Variants in KLHL29 observed in about 807,000 individuals in gnomAD.
KLHL29 encodes kelch-like protein 29.
A neutral mutation model predicts 80.4 loss-of-function variants in KLHL29; 21 were observed. The ratio of observed to expected loss-of-function variants is 0.26; its 90% confidence interval spans 0.19 to 0.38. The LOEUF is 0.38. KLHL29 is among the 10% of genes least tolerant of loss of function. KLHL29 has a pLI of 1.00. For missense variants in KLHL29, 867 were observed against 1,223.9 expected, an observed-to-expected ratio of 0.71 and a Z score of 4.35; for synonymous variants, 511 against 526.8, an observed-to-expected ratio of 0.97 and a Z score of 0.41.
intron 2 of KLHL29, among the ~76,000 whole-genome samples, chr2:23,517,261 T>G (rs192323236): frequency 6.6e-6 from 1 of 152,114 alleles, no homozygotes; most frequent in African/African-American, 2.4e-5. Flanking sequence ...ACAACCTAAC[T>G]AGGCTGGGCG....
intron 1 of KLHL29, among the ~76,000 whole-genome samples, chr2:23,421,245 G>C (rs1018873602): frequency 1.3e-5 from 2 of 152,218 alleles, no homozygotes; most frequent in East Asian, 1.9e-4. Context: ...CTGTCTTGTG[G>C]TGTCTCCCGG....
chr2:23,614,801 G>C (rs1668959409), intron 3 of KLHL29, among the ~76,000 whole-genome samples: 1 of 152,186 alleles, frequency 6.6e-6, no homozygotes, highest in South Asian at 2.1e-4. Context: ...CAGGCTCCAG[G>C]CTGAGGCAGG....
At chr2:23,668,498 G>C (rs1189056045) in intron 5 of KLHL29, 1 of 152,328 alleles carries the variant, frequency 6.6e-6, no homozygotes, top group African/African-American at 2.4e-5. Flanking sequence ...CAATGTTGCA[G>C]ACCTTGCTAA....
At chr2:23,539,146 G>A (rs768706646) in intron 2 of KLHL29, among the ~76,000 whole-genome samples, 11 of 152,082 alleles carry the variant, frequency 7.2e-5, no homozygotes, top group Admixed American at 1.3e-4. Flanking sequence ...CAGCCACCCA[G>A]GGCTGATGAG....
rs1184720220 is a variant in KLHL29 at position 23,671,004 on chromosome 2, C to G, written c.941-13395C>G. ...TCCCTCCCTCCCTCCCTCCCTCCCC[C>G]CCCCCACCTCCTCCCTTCCCTCCTA... is the stretch of plus-strand genomic sequence containing the variant. On this transcript the variant is annotated intron_variant, in intron 5 of 13. Transcript: ENST00000486442. 6.3e-5 allele frequency among the ~76,000 whole-genome samples: 6 copies of G among 95,344 alleles called. 1 individual carries two copies. The highest frequency in any genetic ancestry group is 6.7e-5 in the Non-Finnish European group (3 of 45,004). 62.5% of individuals were successfully genotyped at this position (95,344 alleles called of 152,430 possible). A position where few individuals can be genotyped will look rare whatever the true frequency, so the allele number is the denominator to read the frequency against.
intron 1 of KLHL29, among the ~76,000 whole-genome samples, chr2:23,418,788 C>A (rs1373706139): frequency 2.0e-5 from 3 of 151,998 alleles, no homozygotes; most frequent in African/African-American, 7.3e-5. Context: ...ACCCAATACG[C>A]TGGGGTTACT....
chr2:23,640,082 G>A (rs533302441), intron 4 of KLHL29, among the ~76,000 whole-genome samples: 1 of 152,208 alleles, frequency 6.6e-6, no homozygotes, highest in Admixed American at 6.5e-5. Context: ...ACAGCACCCC[G>A]AGATGCCCCA....
rs777155065 is a variant in KLHL29 at position 23,706,684 on chromosome 2, A to G, written c.*20A>G. The stretch of plus-strand genomic sequence containing the variant: ...GGCTGACATCAGCAGAAAGCCCACG[A>G]TAAGACTGTGGACAAGTCTGGTGAG... On this transcript the variant is annotated 3_prime_UTR_variant, in exon 14 of 14. Transcript: ENST00000486442. The G allele has an allele frequency of 4.7e-6, 7 of 1,489,342 alleles. No individual in the cohort carries two copies. Among genetic ancestry groups the G allele is most frequent in the Middle Eastern group, 1.7e-4 (1 of 5,842 alleles). 92.3% of individuals were successfully genotyped at this position (1,489,342 alleles called of 1,614,324 possible).
chr2:23,627,523 G>A (rs529393967), intron 3 of KLHL29, among the ~76,000 whole-genome samples: 16 of 152,318 alleles, frequency 1.1e-4, no homozygotes, highest in South Asian at 2.1e-4. Context: ...ACACTCAGGC[G>A]CTGACTTGTT....
intron 1 of KLHL29, among the ~76,000 whole-genome samples, chr2:23,459,892 G>A (rs2103427433): frequency 6.6e-6 from 1 of 152,338 alleles, no homozygotes; most frequent in Admixed American, 6.5e-5. Context: ...ATGGGCTAAG[G>A]GGTGAATGGG....
intron 3 of KLHL29, among the ~76,000 whole-genome samples, chr2:23,584,182 C>T (rs1286768871): frequency 6.6e-6 from 1 of 152,172 alleles, no homozygotes; most frequent in African/African-American, 2.4e-5. Flanking sequence ...AGGTCTGTGC[C>T]GTGTTTTTCT....
intron 1 of KLHL29, among the ~76,000 whole-genome samples, chr2:23,435,997 G>C (rs374510136): frequency 6.7e-6 from 1 of 149,266 alleles, no homozygotes; most frequent in South Asian, 2.1e-4. Flanking sequence ...TAGAGCTTTC[G>C]AGACCCTCAT....
At chr2:23,691,539 G>C in intron 6 of KLHL29, 135 bp from the exon 7 acceptor site, 2 of 669,768 alleles carry the variant, frequency 3.0e-6, no homozygotes, top group Non-Finnish European at 5.2e-6. Context: ...ATTAGGTTCA[G>C]GTGTGTCATT....
intron 1 of KLHL29, among the ~76,000 whole-genome samples, chr2:23,402,360 A>C (rs1666616154): frequency 6.6e-6 from 1 of 152,260 alleles, no homozygotes; most frequent in African/African-American, 2.4e-5. Context: ...TGTGCATCTG[A>C]ATCTGAGCCA....
At chr2:23,645,064 G>A (rs1016352780) in intron 5 of KLHL29, among the ~76,000 whole-genome samples, 1 of 152,216 alleles carries the variant, frequency 6.6e-6, no homozygotes, top group Non-Finnish European at 1.5e-5. Flanking sequence ...GGAAGAAAGA[G>A]TGACGCACGC....
rs1392833200 is a variant in KLHL29, at chr2:23,562,252, G to A, written c.56G>A (p.Arg19His). The A allele has an allele frequency of 9.0e-6, 14 of 1,550,216 alleles. No homozygotes were observed. The highest frequency in any genetic ancestry group is 5.9e-5 in the Admixed American group (3 of 50,934). The change falls in exon 3 of 14, where the codon CGC becomes CAC. Residue 19 changes from arginine (R) to histidine (H), a missense_variant. Physicochemically the swap from Arg to His is conservative, Grantham distance 29. This residue lies in a region of KLHL29 where 424 missense variants were observed against 456.9 expected (regional missense o/e 0.93). Transcript: ENST00000486442. The surrounding 1 kb of genome is among the most constrained non-coding windows in gnomAD (Gnocchi z 4.5). Reference protein sequence around the residue: ...ERDYRVGWDRREWSVNGTHGT... With the variant: ...ERDYRVGWDRHEWSVNGTHGT... ...GATTACCGGGTGGGCTGGGACCGCC[G>A]CGAATGGAGCGTCAACGGGACGCAT...
rs1666144052 is a variant in KLHL29 at position 23,385,307 on chromosome 2, CTCCGCAGCGCCCG to C, written c.-618_-606del. 6.8e-6 allele frequency: 1 copy of C among 146,402 alleles called. No homozygotes were observed. Among genetic ancestry groups the C allele is most frequent in the Non-Finnish European group, 1.5e-5 (1 of 65,472 alleles). 9.1% of individuals were successfully genotyped at this position (146,402 alleles called of 1,614,324 possible). A position where few individuals can be genotyped will look rare whatever the true frequency, so the allele number is the denominator to read the frequency against. On this transcript the variant is annotated 5_prime_UTR_variant, in exon 1 of 14. The change abolishes the stop of an existing upstream ORF in the 5' untranslated region. Transcript: ENST00000486442. ...GCCGCAGCTCCAGCCCCGGCCCCGG[CTCCGCAGCGCCCG>C]TCCGCAGCCCCGGCGGTCGCCGCGC...
At chr2:23,410,731 A>T (rs576773874) in intron 1 of KLHL29, among the ~76,000 whole-genome samples, 12 of 152,072 alleles carry the variant, frequency 7.9e-5, no homozygotes, top group Admixed American at 1.3e-4. Context: ...GGTGTGGAGG[A>T]GGGCATTGCA....
chr2:23,655,976 G>A lies in KLHL29; in HGVS notation c.940+13126G>A, dbSNP rs180914334. ...AGACTCCTCCCAGTTACCACCACTCGCAGTTGCTTAAGAGCACAAAGTGGC... is the reference window on the plus strand; with the variant it reads ...AGACTCCTCCCAGTTACCACCACTCACAGTTGCTTAAGAGCACAAAGTGGC... On this transcript the variant is annotated intron_variant, in intron 5 of 13. Transcript: ENST00000486442. Among the ~76,000 whole-genome samples the A allele has an allele frequency of 2.0e-3, 312 of 152,286 alleles. 2 individuals are homozygous for A. Among genetic ancestry groups the A allele is most frequent in the African/African-American group, 5.0e-3 (206 of 41,554 alleles).
Sources: gnomAD v4.1 joint callset for allele counts (sites outside exome capture counted in the v4.1 genomes callset) on GRCh38, gnomAD v4.1.1 for gene constraint, gnomAD v4.1.1 regional missense constraint, Gnocchi (gnomAD v3.1) non-coding constraint, MANE v1.5 for transcripts, NCBI Gene and HGNC (gene_info 2026-07-23, HGNC 2026-07-21) for gene names.